IQCJ: variants seen among roughly 807,000 people sequenced by gnomAD.
The protein encoded by IQCJ is IQ motif containing J, also known as IQ domain-containing protein J.
A neutral mutation model predicts 11.0 loss-of-function variants in IQCJ; 9 were observed. The ratio of observed to expected loss-of-function variants is 0.82; its 90% CI spans 0.49 to 1.43. The LOEUF is 1.43. IQCJ is among the 40% of genes most tolerant of loss of function. The probability of loss-of-function intolerance (pLI) is 0.00; values close to 1 mark genes in which losing one functional copy is unlikely to be tolerated. For missense variants in IQCJ, 146 were observed against 133.2 expected (o/e 1.10, Z -0.47); for synonymous variants, 55 against 51.3 (o/e 1.07, Z -0.31).
At chr3:159,141,239 C>A (rs1363091061) in intron 1 of IQCJ, among the ~76,000 whole-genome samples, 1 of 152,114 alleles carries the variant, frequency 6.6e-6, no homozygotes. Flanking sequence ...AGATCATATG[C>A]AGAGGTGAGA....
intron 1 of IQCJ, among the ~76,000 whole-genome samples, chr3:159,180,299 T>C (rs764001841): frequency 6.0e-5 from 9 of 150,906 alleles, no homozygotes; most frequent in Non-Finnish European, 1.0e-4. Flanking sequence ...TCTCTCTCTC[T>C]TTCTGTCTCT....
At chr3:159,087,566 T>C (rs1344335026) in intron 1 of IQCJ, among the ~76,000 whole-genome samples, 2 of 151,476 alleles carry the variant, frequency 1.3e-5, no homozygotes, top group African/African-American at 4.8e-5. Context: ...TTTTGGTTGG[T>C]AAGCTATTGA....
At chr3:159,215,659 C>G (rs538890271) in intron 1 of IQCJ, among the ~76,000 whole-genome samples, 1 of 152,096 alleles carries the variant, frequency 6.6e-6, no homozygotes, top group African/African-American at 2.4e-5. Context: ...AATTGAACTT[C>G]CACCAGACAG....
chr3:159,193,005 T>C (rs1723780083), intron 1 of IQCJ, among the ~76,000 whole-genome samples: 1 of 152,158 alleles, frequency 6.6e-6, no homozygotes, highest in Non-Finnish European at 1.5e-5. Context: ...CATCCTCAGC[T>C]AGCACTTTTG....
At chr3:159,092,433 C>T (rs1717379943) in intron 1 of IQCJ, among the ~76,000 whole-genome samples, 1 of 151,852 alleles carries the variant, frequency 6.6e-6, no homozygotes, top group Non-Finnish European at 1.5e-5. Context: ...GGCGCTGTGG[C>T]TCACGCCAGT....
chr3:159,215,465 C>A (rs1318846506), intron 1 of IQCJ, among the ~76,000 whole-genome samples: 2 of 152,094 alleles, frequency 1.3e-5, no homozygotes, highest in African/African-American at 4.8e-5. Flanking sequence ...TTGTTCTCAA[C>A]CCTATTAAGA....
In IQCJ at chr3:159,252,670, G is replaced by T. The variant is rs773917883; in HGVS notation, c.75-57G>T. 2.0e-4 allele frequency: 286 copies of T among 1,466,268 alleles called. 1 individual carries two copies. The Middle Eastern group carries it at 4.1e-3, about 21-fold the overall frequency. 90.8% of individuals were successfully genotyped at this position (1,466,268 alleles called of 1,614,324 possible). A position where few individuals can be genotyped will look rare whatever the true frequency, so the allele number is the denominator to read the frequency against. On this transcript the variant is annotated intron_variant, in intron 2 of 3. Coordinates refer to ENST00000397832, the MANE Select transcript of IQCJ (RefSeq NM_001042706.3). ...ATAAGTATAAATTAGCAGTATTATT[G>T]CTATAGATGTTAACCTTCTGGATTG...
chr3:159,162,208 G>A (rs910453291), intron 1 of IQCJ, among the ~76,000 whole-genome samples: 1 of 152,036 alleles, frequency 6.6e-6, no homozygotes, highest in Non-Finnish European at 1.5e-5. Flanking sequence ...TTATTTCCTT[G>A]AGCAGTGGTT....
chr3:159,069,820 CTT>C (rs1715427862), intron 1 of IQCJ: 1 of 461,218 alleles, frequency 2.2e-6, no homozygotes, highest in African/African-American at 2.0e-5. Flanking sequence ...GTTTTAAACA[CTT>C]ATTTAAAAAG....
chr3:159,257,554 G>A (rs990489666), intron 3 of IQCJ, among the ~76,000 whole-genome samples: 5 of 152,114 alleles, frequency 3.3e-5, no homozygotes, highest in African/African-American at 9.7e-5. Flanking sequence ...GCTACAAACC[G>A]GGCGGATACT....
intron 3 of IQCJ, among the ~76,000 whole-genome samples, chr3:159,258,967 T>G (rs1728052025): frequency 6.6e-6 from 1 of 152,156 alleles, no homozygotes; most frequent in South Asian, 2.1e-4. Flanking sequence ...TGCCCAAAGA[T>G]CTTCTTCCTC....
rs1241562583 is a variant in IQCJ at position 159,092,646 on chromosome 3, C to T, written c.9+23205C>T. ...CTGGGAGGCGGAGCTTGCAGGGAGC[C>T]GAGATTGCACCACTGCACTCCAGCC... On this transcript the variant is annotated intron_variant, in intron 1 of 3. Coordinates refer to ENST00000397832, the MANE Select transcript of IQCJ (RefSeq NM_001042706.3). Among the ~76,000 whole-genome samples, 6 of 150,116 alleles carry T rather than the reference C, an allele frequency of 4.0e-5. No individual in the cohort carries two copies. The East Asian group carries it at 7.9e-4, about 20-fold the overall frequency.
At chr3:159,244,462 G>T (rs1577109601) in intron 1 of IQCJ, among the ~76,000 whole-genome samples, 1 of 152,170 alleles carries the variant, frequency 6.6e-6, no homozygotes, top group Non-Finnish European at 1.5e-5. Context: ...GGTGGGCTCA[G>T]GGACTCAGCC....
At chr3:159,216,205 A>T (rs1176105889) in intron 1 of IQCJ, among the ~76,000 whole-genome samples, 3 of 152,032 alleles carry the variant, frequency 2.0e-5, no homozygotes, top group Non-Finnish European at 4.4e-5. Context: ...GTCTAGTGTC[A>T]ACATGTCATC....
intron 1 of IQCJ, among the ~76,000 whole-genome samples, chr3:159,156,498 T>G (rs866665392): frequency 6.6e-6 from 1 of 152,256 alleles, no homozygotes; most frequent in African/African-American, 2.4e-5. Context: ...AGTTTTGCTG[T>G]AGTGGAGTGT....
At chr3:159,253,046 T>C (rs1727695039) in intron 3 of IQCJ, among the ~76,000 whole-genome samples, 1 of 152,208 alleles carries the variant, frequency 6.6e-6, no homozygotes, top group African/African-American at 2.4e-5. Context: ...TTTTTCCATT[T>C]CTTGTCTAGT....
chr3:159,118,826 A>G lies in IQCJ; in HGVS notation c.9+49385A>G, dbSNP rs192601888. Among the ~76,000 whole-genome samples, 250 of 152,300 alleles carry G rather than the reference A, an allele frequency of 1.6e-3. 1 individual carries two copies. The highest frequency in any genetic ancestry group is 0.013 in the Admixed American group (194 of 15,292). On this transcript the variant is annotated intron_variant, in intron 1 of 3. Transcript: ENST00000397832. ...TGGAAACCCCTTGAAAGCAGAGTCT[A>G]TGCCTAATCTACAATACTGAAGGAA...
chr3:159,159,819 A>G (rs1721733774), intron 1 of IQCJ, among the ~76,000 whole-genome samples: 2 of 151,606 alleles, frequency 1.3e-5, no homozygotes, highest in African/African-American at 2.4e-5. Flanking sequence ...CTCTCTCTAT[A>G]TTACTCTCTC....
At chr3:159,089,406 G>C (rs886577816) in intron 1 of IQCJ, among the ~76,000 whole-genome samples, 2 of 152,022 alleles carry the variant, frequency 1.3e-5, no homozygotes, top group African/African-American at 4.8e-5. Flanking sequence ...TCTTGGAGTT[G>C]CTCTTCTCGA....
Sources: allele counts gnomAD v4.1 joint callset (sites outside exome capture counted in the v4.1 genomes callset), GRCh38; gene constraint gnomAD v4.1.1; transcripts MANE v1.5; gene names NCBI Gene and HGNC (gene_info 2026-07-23, HGNC 2026-07-21).